The following PTPRR variants were observed in gnomAD, a reference collection of about 807,000 sequenced individuals.
PTPRR encodes the protein receptor-type tyrosine-protein phosphatase R.
A neutral mutation model predicts 77.2 loss-of-function variants in PTPRR; 38 were observed. That is an observed-to-expected ratio of 0.49 (90% confidence interval 0.38 to 0.65). The LOEUF is 0.65. Ranked by LOEUF, PTPRR falls within the 30% of genes least tolerant of loss-of-function variation. The pLI, the probability that PTPRR is intolerant of heterozygous loss-of-function variation, is 0.00. For missense variants in PTPRR, 744 were observed against 799.2 expected (o/e 0.93, Z 0.83); for synonymous variants, 299 against 283.1 (o/e 1.06, Z -0.57).
intron 8 of PTPRR, among the ~76,000 whole-genome samples, chr12:70,695,439 G>GT (rs2136766079): frequency 6.6e-6 from 1 of 152,242 alleles, no homozygotes; most frequent in Admixed American, 6.5e-5. Context: ...AGGGTGGTGG[G>GT]TGGGGCATTC....
intron 10 of PTPRR, among the ~76,000 whole-genome samples, chr12:70,678,871 AG>A (rs1366787436): frequency 1.3e-5 from 2 of 151,920 alleles, no homozygotes; most frequent in Admixed American, 6.6e-5. Context: ...TAGTAGAGAC[AG>A]GGTTTCACCA....
intron 5 of PTPRR, 132 bp from the exon 6 acceptor site, chr12:70,746,218 G>A: frequency 3.6e-6 from 3 of 843,734 alleles, no homozygotes; most frequent in Non-Finnish European, 5.4e-6. Flanking sequence ...CCCTCTGAGA[G>A]ATGATTTCTC....
chr12:70,907,904 A>C (rs1484627871), intron 1 of PTPRR, among the ~76,000 whole-genome samples: 1 of 152,186 alleles, frequency 6.6e-6, no homozygotes, highest in Non-Finnish European at 1.5e-5. Context: ...AAGGCAGAAA[A>C]ATGCTCATAT....
At chr12:70,701,065 A>G in intron 7 of PTPRR, 72 bp downstream of exon 7, 2 of 1,518,682 alleles carry the variant, frequency 1.3e-6, no homozygotes, top group Non-Finnish European at 1.8e-6. Context: ...GGACAGTATC[A>G]TTTCCATACG....
intron 2 of PTPRR, among the ~76,000 whole-genome samples, chr12:70,791,515 T>C (rs1891421537): frequency 6.6e-6 from 1 of 152,158 alleles, no homozygotes; most frequent in East Asian, 1.9e-4. Flanking sequence ...GCACTTCTCA[T>C]CATTGATGTA....
chr12:70,900,203 T>C (rs1893507150), intron 1 of PTPRR, among the ~76,000 whole-genome samples: 1 of 151,320 alleles, frequency 6.6e-6, no homozygotes, highest in African/African-American at 2.4e-5. Flanking sequence ...TAAAACAATT[T>C]TGAAAAAATA....
chr12:70,651,013 T>C (rs1040879252), intron 13 of PTPRR, among the ~76,000 whole-genome samples: 1 of 152,204 alleles, frequency 6.6e-6, no homozygotes, highest in Non-Finnish European at 1.5e-5. Flanking sequence ...AGATGCCACA[T>C]TTTCATTTTA....
intron 6 of PTPRR, among the ~76,000 whole-genome samples, chr12:70,721,400 C>T (rs1461226773): frequency 6.6e-6 from 1 of 152,210 alleles, no homozygotes; most frequent in Admixed American, 6.5e-5. Context: ...TTGGGCACAA[C>T]CCTTTCCTCG....
At chr12:70,661,195 T>G (rs1180575640) in intron 11 of PTPRR, 98 bp from the exon 12 acceptor site, 7 of 1,482,266 alleles carry the variant, frequency 4.7e-6, no homozygotes, top group Non-Finnish European at 6.4e-6. Context: ...CCCATCTTGC[T>G]GGCAATTTAT....
At chr12:70,796,328 T>A (rs1246381907) in intron 2 of PTPRR, among the ~76,000 whole-genome samples, 1 of 152,082 alleles carries the variant, frequency 6.6e-6, no homozygotes. Context: ...GTGTCCCTCA[T>A]CAGAATATAC....
At chr12:70,836,480 C>T (rs777654789) in intron 2 of PTPRR, among the ~76,000 whole-genome samples, 14 of 151,880 alleles carry the variant, frequency 9.2e-5, no homozygotes, top group Non-Finnish European at 1.9e-4. Context: ...GGACATATCA[C>T]CACAAATCAA....
intron 2 of PTPRR, among the ~76,000 whole-genome samples, chr12:70,867,575 T>C (rs1490874350): frequency 6.6e-6 from 1 of 151,314 alleles, no homozygotes; most frequent in African/African-American, 2.4e-5. Context: ...TGCTCATGGG[T>C]AGGAAGAATC....
intron 2 of PTPRR, among the ~76,000 whole-genome samples, chr12:70,855,268 T>A (rs1230559377): frequency 6.6e-6 from 1 of 152,192 alleles, no homozygotes; most frequent in East Asian, 1.9e-4. Flanking sequence ...GACGGAACCA[T>A]GCAGAATTGA....
In PTPRR at chr12:70,662,612, G is replaced by T. The variant is rs1168067759; in HGVS notation, c.1498-7C>A. Reference sequence around the variant, plus strand: ...GCCAGTATAGCACACATTTCTGGAGGAAGGGAAAGAGAATACAGCAAATAT... The same window carrying T: ...GCCAGTATAGCACACATTTCTGGAGTAAGGGAAAGAGAATACAGCAAATAT... On this transcript the variant is annotated splice_region_variant and splice_polypyrimidine_tract_variant and intron_variant, in intron 10 of 13. Transcript: ENST00000283228. The T allele has an allele frequency of 1.3e-6, 2 of 1,549,558 alleles. No individual in the cohort carries two copies. Among genetic ancestry groups the T allele is most frequent in the Non-Finnish European group, 1.8e-6 (2 of 1,126,056 alleles).
chr12:70,899,381 G>A (rs1893490762), intron 1 of PTPRR, among the ~76,000 whole-genome samples: 1 of 151,302 alleles, frequency 6.6e-6, no homozygotes, highest in African/African-American at 2.4e-5. Flanking sequence ...CTACCAAATG[G>A]GGCTGATTTT....
At chr12:70,899,503 T>C (rs1893493602) in intron 1 of PTPRR, among the ~76,000 whole-genome samples, 2 of 151,418 alleles carry the variant, frequency 1.3e-5, no homozygotes, top group Non-Finnish European at 3.0e-5. Context: ...AAAAACTATT[T>C]GACAAAATTC....
At chr12:70,851,842 T>C (rs1467862907) in intron 2 of PTPRR, among the ~76,000 whole-genome samples, 4 of 152,188 alleles carry the variant, frequency 2.6e-5, no homozygotes, top group Non-Finnish European at 5.9e-5. Flanking sequence ...ATGTGCAGAA[T>C]AGACAAGAAA....
chr12:70,714,436 A>G (rs1888944371), intron 6 of PTPRR, among the ~76,000 whole-genome samples: 1 of 152,190 alleles, frequency 6.6e-6, no homozygotes, highest in African/African-American at 2.4e-5. Flanking sequence ...CCACGCACTT[A>G]CAAAGACAAA....
chr12:70,705,712 G>A (rs1888594578), intron 6 of PTPRR, among the ~76,000 whole-genome samples: 1 of 151,186 alleles, frequency 6.6e-6, no homozygotes, highest in Non-Finnish European at 1.5e-5. Flanking sequence ...AAACAGATTT[G>A]ACTTCCGAGA....
Sources: gnomAD v4.1 joint callset for allele counts (sites outside exome capture counted in the v4.1 genomes callset) on GRCh38, gnomAD v4.1.1 for gene constraint, MANE v1.5 for transcripts, NCBI Gene and HGNC (gene_info 2026-07-23, HGNC 2026-07-21) for gene names.